Variants in ZNF335 observed in about 807,000 individuals in gnomAD.
ZNF335 encodes NRC-interacting factor 1.
Under a neutral mutation model 145.6 loss-of-function variants are expected in ZNF335, and 84 were observed. The ratio of observed to expected loss-of-function variants is 0.58; its 90% CI spans 0.48 to 0.69. The LOEUF (loss-of-function observed/expected upper bound fraction) is 0.69, where lower values mean the gene tolerates loss of function less well. Among genes scored for constraint, ZNF335 ranks in the 30% least tolerant of loss-of-function variants. The pLI, the probability that ZNF335 is intolerant of heterozygous loss-of-function variation, is 0.00. For synonymous variants in ZNF335, 761 were observed against 717.0 expected (o/e 1.06, Z -0.98); for missense variants, 1,865 against 1,809.7 (o/e 1.03, Z -0.55).
Position 45,952,322 on chromosome 20 carries a change from G to C in ZNF335, c.3014C>G (p.Pro1005Arg). ...AGTGGCTGCAGATGGCGGTGACGGGGGCACTGCCAGGCCCAGGGCTTTGCT... is the reference window on the plus strand; with the variant it reads ...AGTGGCTGCAGATGGCGGTGACGGGCGCACTGCCAGGCCCAGGGCTTTGCT... ...ATSKALGLAV[P>R]PSPPSAATAA... The change falls in exon 20 of 28, where the codon CCC becomes CGC. Residue 1005 changes from proline to arginine, a missense_variant. Coordinates refer to ENST00000322927, the MANE Select transcript of ZNF335 (RefSeq NM_022095.4). The C allele has an allele frequency of 1.2e-6, 2 of 1,613,412 alleles. No homozygotes were observed. The highest frequency in any genetic ancestry group is 8.5e-7 in the Non-Finnish European group (1 of 1,179,960).
At position 45,967,568 on chromosome 20, in the gene ZNF335, C is replaced by G. The variant is rs6032606; in HGVS notation, c.881G>C (p.Ser294Thr). Residue 294 changes from serine (S) to threonine (T), a missense_variant, in exon 6 of 28, where the codon AGC (serine) becomes ACC (threonine). Transcript: ENST00000322927. ...RLRKWSTSTKSQEEEGPEEED... is the reference protein window; with the variant it reads ...RLRKWSTSTKTQEEEGPEEED... ...CTCCTCTGGTCCCTCTTCCTCTTGG[C>G]TCTTGGTGGAGGTGCTCCACTTCCG... 0.91 allele frequency: 1,469,137 copies of G among 1,613,896 alleles called. 677,176 individuals are homozygous for G. The highest frequency in any genetic ancestry group is 0.95 in the Non-Finnish European group (1,121,241 of 1,180,004).
intron 20 of ZNF335, among the ~76,000 whole-genome samples, 165 bp from the exon 21 acceptor site, chr20:45,950,760 G>A (rs147008679): frequency 2.0e-3 from 308 of 152,338 alleles, no homozygotes; most frequent in African/African-American, 6.8e-3. Flanking sequence ...AGCCGGATCC[G>A]TATCTGGTGC....
intron 1 of ZNF335, 156 bp downstream of exon 1, chr20:45,971,966 C>T: frequency 1.0e-6 from 1 of 985,434 alleles, no homozygotes; most frequent in Non-Finnish European, 1.2e-6. Context: ...CGGGTTTCCG[C>T]TCAGGCAAGT....
intron 10 of ZNF335, 42 bp downstream of exon 10, chr20:45,962,028 C>T: frequency 1.3e-6 from 1 of 795,074 alleles, no homozygotes; most frequent in Non-Finnish European, 2.2e-6. Context: ...CCCCACCCAA[C>T]CTGGCCTCTC....
chr20:45,948,973 T>C lies in ZNF335; in HGVS notation c.4009A>G (p.Ile1337Val), dbSNP rs1480160832. 2 of 1,613,918 alleles carry C rather than the reference T, an allele frequency of 1.2e-6. No individual in the cohort carries two copies. Among genetic ancestry groups the C allele is most frequent in the Non-Finnish European group, 1.7e-6 (2 of 1,180,030 alleles). The change falls in exon 28 of 28, where the codon ATC becomes GTC. Residue 1337 changes from isoleucine (I) to valine (V), a missense_variant. Physicochemically the swap from Ile to Val is conservative, Grantham distance 29 (BLOSUM62 3). Coordinates refer to ENST00000322927, the MANE Select transcript of ZNF335 (RefSeq NM_022095.4). ...LQHQGIEYDVITLADD is the reference protein window; with the variant it reads ...LQHQGIEYDVVTLADD ...GGGGCTCAGTCATCGGCCAGGGTGATGACGTCGTACTCGATGCCCTGGTGC... is the reference window on the plus strand; with the variant it reads ...GGGGCTCAGTCATCGGCCAGGGTGACGACGTCGTACTCGATGCCCTGGTGC...
intron 14 of ZNF335, among the ~76,000 whole-genome samples, chr20:45,959,901 A>T (rs2083802061): frequency 6.6e-6 from 1 of 152,236 alleles, no homozygotes. Context: ...CTCAAGGAAC[A>T]AATGGAACTT....
intron 2 of ZNF335, chr20:45,969,992 GC>G (rs748191900): frequency 1.9e-4 from 55 of 289,964 alleles, no homozygotes; most frequent in Non-Finnish European, 2.9e-4. Context: ...CGTTCCCTCT[GC>G]CTGAAACTCT....
intron 18 of ZNF335, 142 bp from the exon 19 acceptor site, chr20:45,952,851 C>T: frequency 1.3e-5 from 9 of 669,592 alleles, no homozygotes; most frequent in Non-Finnish European, 2.0e-5. Flanking sequence ...GTGGCTCTGC[C>T]CTGTTACCAA....
chr20:45,959,148 G>A, intron 15 of ZNF335, 53 bp downstream of exon 15: 2 of 1,288,884 alleles, frequency 1.6e-6, no homozygotes, highest in South Asian at 2.5e-5. Context: ...AATGATGCTG[G>A]GGCTGGGAGA....
chr20:45,953,784 G>C lies in ZNF335; in HGVS notation c.2607C>G (p.Ile869Met). The part of the protein sequence containing the change: ...SQLGPPDLPQ[I>M]TLAPGPFGGT... ...CACCAAATGGACCAGGTGCCAGGGT[G>C]ATCTGCGGTAGGTCAGGAGGGCCTA... is the stretch of plus-strand genomic sequence containing the variant. The change falls in exon 18 of 28, where the codon ATC (isoleucine) becomes ATG (methionine). Residue 869 changes from isoleucine (I) to methionine (M), a missense_variant. Physicochemically the swap from Ile to Met is conservative, Grantham distance 10 (BLOSUM62 1). Transcript: ENST00000322927. 6.2e-7 allele frequency: 1 copy of C among 1,614,196 alleles called. No homozygotes were observed. Among genetic ancestry groups the C allele is most frequent in the Non-Finnish European group, 8.5e-7 (1 of 1,180,038 alleles).
chr20:45,949,473 G>A lies in ZNF335; in HGVS notation c.3753+12C>T. On this transcript the variant is annotated intron_variant, in intron 25 of 27. Transcript: ENST00000322927. Reference sequence around the variant, plus strand: ...TTCACCACACAGCACCCTCATCCCAGGTCTGGCCTACCTGGATGTGATGGC... The same window carrying A: ...TTCACCACACAGCACCCTCATCCCAAGTCTGGCCTACCTGGATGTGATGGC... 1 of 1,613,942 alleles carries A rather than the reference G, an allele frequency of 6.2e-7. No homozygotes were observed. Among genetic ancestry groups the A allele is most frequent in the African/African-American group, 1.3e-5 (1 of 75,042 alleles).
chr20:45,949,158 C>A lies in ZNF335; in HGVS notation c.3901+12G>T, dbSNP rs774505208. On this transcript the variant is annotated intron_variant, in intron 27 of 27. Coordinates refer to ENST00000322927, the MANE Select transcript of ZNF335 (RefSeq NM_022095.4). ...TACCCAGCCCCATGCTCCTCAGGAT[C>A]CAGCTCCATACCTGTGACAGCTGAG... 5 of 1,613,458 alleles carry A rather than the reference C, an allele frequency of 3.1e-6. No homozygotes were observed. In the South Asian group the frequency reaches 5.5e-5, roughly 18 times the overall value.
intron 21 of ZNF335, 25 bp downstream of exon 21, chr20:45,950,428 C>T: frequency 6.2e-7 from 1 of 1,613,866 alleles, no homozygotes. Context: ...CCCAGCAGTC[C>T]CCACCCACCA....
At chr20:45,968,587 C>T (rs1036280760) in intron 3 of ZNF335, 7 of 468,316 alleles carry the variant, frequency 1.5e-5, no homozygotes, top group Non-Finnish European at 2.7e-5. Context: ...CCGGCCCACA[C>T]TTACACAAGA....
Position 45,948,815 on chromosome 20 carries a change from T to G in ZNF335, c.*138A>C. The G allele has an allele frequency of 7.1e-7, 1 of 1,410,360 alleles. No homozygotes were observed. Among genetic ancestry groups the G allele is most frequent in the Non-Finnish European group, 9.7e-7 (1 of 1,026,726 alleles). The allele number at this position is 1,410,360 out of a possible 1,614,324, so 87.4% of individuals were successfully genotyped here. On this transcript the variant is annotated 3_prime_UTR_variant, in exon 28 of 28. Transcript: ENST00000322927. ...CTGCCCCTAACCCCAACAGCACAGGTCTGGCTCCCTGGGAATGAGAGGATG... is the reference window on the plus strand; with the variant it reads ...CTGCCCCTAACCCCAACAGCACAGGGCTGGCTCCCTGGGAATGAGAGGATG...
chr20:45,969,715 G>T, intron 2 of ZNF335, 24 bp from the exon 3 acceptor site: 1 of 1,606,974 alleles, frequency 6.2e-7, no homozygotes, highest in South Asian at 1.1e-5. Flanking sequence ...AACAGGGAGG[G>T]AAAAAGTTTA....
At chr20:45,971,846 C>G (rs968963327) in intron 1 of ZNF335, 41 of 985,200 alleles carry the variant, frequency 4.2e-5, no homozygotes, top group Middle Eastern at 5.2e-4. Flanking sequence ...TTCGCTCCCC[C>G]CCGGTTCCCC....
intron 7 of ZNF335, 125 bp from the exon 8 acceptor site, chr20:45,964,115 G>A: frequency 1.7e-6 from 2 of 1,197,828 alleles, no homozygotes; most frequent in South Asian, 1.7e-5. Flanking sequence ...TGGGTGCATT[G>A]AGTCACATGA....
In ZNF335 at chr20:45,949,580, G is replaced by T; in HGVS notation, c.3670-12C>A. Reference sequence around the variant, plus strand: ...ATGATATACTGCACCTGTTGGTGGGGGGGGCGGGCATGGCGAGGCAGGTGC... The same window carrying T: ...ATGATATACTGCACCTGTTGGTGGGTGGGGCGGGCATGGCGAGGCAGGTGC... On this transcript the variant is annotated splice_polypyrimidine_tract_variant and intron_variant, in intron 24 of 27. Transcript: ENST00000322927. 1 of 1,605,896 alleles carries T rather than the reference G, an allele frequency of 6.2e-7. No individual in the cohort carries two copies. The highest frequency in any genetic ancestry group is 1.1e-5 in the South Asian group (1 of 90,242).
Sources: allele counts gnomAD v4.1 joint callset (sites outside exome capture counted in the v4.1 genomes callset), GRCh38; gene constraint gnomAD v4.1.1; transcripts MANE v1.5; gene names NCBI Gene and HGNC (gene_info 2026-07-23, HGNC 2026-07-21).